Variants in RET observed in about 807,000 individuals in gnomAD.
RET encodes the protein proto-oncogene tyrosine-protein kinase receptor Ret.
RET carries 19 observed loss-of-function variants against 118.3 expected under a neutral mutation model. The ratio of observed to expected loss-of-function variants is 0.16; its 90% CI spans 0.11 to 0.24. RET has a LOEUF of 0.24. Ranked by LOEUF, RET falls within the 10% of genes least tolerant of loss-of-function variation. The pLI is 1.00. For synonymous variants in RET, 597 were observed against 644.1 expected (o/e 0.93, Z 1.11); for missense variants, 1,219 against 1,502.1 (o/e 0.81, Z 3.12).
At chr10:43,127,282 T>G (rs983291609) in intron 19 of RET, 1 of 1,069,666 alleles carries the variant, frequency 9.3e-7, no homozygotes, top group Non-Finnish European at 1.1e-6. Flanking sequence ...GTAGCGAGGT[T>G]GCAGGAGCTG....
chr10:43,095,765 A>G (rs924453922), intron 1 of RET, among the ~76,000 whole-genome samples: 1 of 152,140 alleles, frequency 6.6e-6, no homozygotes, highest in Non-Finnish European at 1.5e-5. Context: ...CTCATGACAC[A>G]CACTACATAG....
chr10:43,107,654 T>A (rs924327108), intron 5 of RET, among the ~76,000 whole-genome samples: 1 of 151,966 alleles, frequency 6.6e-6, no homozygotes, highest in Non-Finnish European at 1.5e-5. Flanking sequence ...AGGTTTATTC[T>A]GAGCCAGGAT....
Position 43,102,579 on chromosome 10 carries a change from C to G in RET, c.575C>G (p.Pro192Arg). Residue 192 changes from proline (P) to arginine (R), a missense_variant, in exon 3 of 20, where the codon CCT becomes CGT. By Grantham distance (103) the Pro-to-Arg change is moderately radical (BLOSUM62 -2). Transcript: ENST00000355710. The stretch of plus-strand genomic sequence containing the variant: ...ACCTTCCACCAGTTCCGCCTGCTGC[C>G]TGTGCAGTTCTTGTGCCCCAACATC... Reference protein sequence around the residue: ...PGTFHQFRLLPVQFLCPNISV... With the variant: ...PGTFHQFRLLRVQFLCPNISV... 2 of 1,614,236 alleles carry G rather than the reference C, an allele frequency of 1.2e-6. No homozygotes were observed. The highest frequency in any genetic ancestry group is 1.7e-6 in the Non-Finnish European group (2 of 1,180,046).
At chr10:43,088,973 A>C (rs1837354160) in intron 1 of RET, among the ~76,000 whole-genome samples, 1 of 151,952 alleles carries the variant, frequency 6.6e-6, no homozygotes, top group South Asian at 2.1e-4. Context: ...CCTGCCGGGC[A>C]CTGGCTCCTG....
At chr10:43,121,540 AGT>A (rs1838217330) in intron 15 of RET, among the ~76,000 whole-genome samples, 1 of 152,212 alleles carries the variant, frequency 6.6e-6, no homozygotes, top group South Asian at 2.1e-4. Flanking sequence ...AGGCTCCTTC[AGT>A]GTGGTAGCTG....
rs2132856712 is a variant in RET, at chr10:43,114,775, C to T, written c.2136+39C>T. The T allele has an allele frequency of 1.9e-6, 3 of 1,571,618 alleles. No individual in the cohort carries two copies. The highest frequency in any genetic ancestry group is 2.6e-6 in the Non-Finnish European group (3 of 1,162,696). On this transcript the variant is annotated intron_variant, in intron 11 of 19. Coordinates refer to ENST00000355710, the MANE Select transcript of RET (RefSeq NM_020975.6). The surrounding 1 kb of genome is among the most constrained non-coding windows in gnomAD (Gnocchi z 4.6). ...CGGGGCAGGGAAGATCCCCTGCCCTCCCCAGCTGCCTTCCAGGGAGGGAGG... is the reference window on the plus strand; with the variant it reads ...CGGGGCAGGGAAGATCCCCTGCCCTTCCCAGCTGCCTTCCAGGGAGGGAGG...
Position 43,114,608 on chromosome 10 carries a change from T to A in RET, c.2008T>A (p.Ser670Thr), listed in dbSNP as rs2132849771. 6.2e-7 allele frequency: 1 copy of A among 1,612,806 alleles called. No individual in the cohort carries two copies. Among genetic ancestry groups the A allele is most frequent in the Non-Finnish European group, 8.5e-7 (1 of 1,179,932 alleles). Reference sequence around the variant, plus strand: ...CAAGTTTGCCCACAAGCCACCCATCTCCTCAGCTGAGATGACCTTCCGGAG... The same window carrying A: ...CAAGTTTGCCCACAAGCCACCCATCACCTCAGCTGAGATGACCTTCCGGAG... ...YHKFAHKPPI[S>T]SAEMTFRRPA... The change falls in exon 11 of 20, where the codon TCC becomes ACC. Residue 670 changes from serine (S) to threonine (T), a missense_variant. Around this residue, in one of 5 missense-constraint regions of RET, gnomAD observed 850 missense variants for 969.6 expected, o/e 0.88. Coordinates refer to ENST00000355710, the MANE Select transcript of RET (RefSeq NM_020975.6). This position sits in a 1 kb window ranked among gnomAD's most constrained non-coding sequence, Gnocchi z 4.6.
rs377527547 is a variant in RET, at chr10:43,116,533, A to T, written c.2137-51A>T. 7 of 1,605,960 alleles carry T rather than the reference A, an allele frequency of 4.4e-6. No individual in the cohort carries two copies. The African/African-American group carries it at 9.4e-5, about 21-fold the overall frequency. ...GGTCTTGCCTTCTTCCTCCCCTGTC[A>T]TCCTCACACTTTTCCCCCCTCTTCT... On this transcript the variant is annotated intron_variant, in intron 11 of 19. Transcript: ENST00000355710.
At chr10:43,088,111 A>C (rs541272514) in intron 1 of RET, among the ~76,000 whole-genome samples, 5 of 151,268 alleles carry the variant, frequency 3.3e-5, no homozygotes, top group African/African-American at 1.2e-4. Context: ...GGTGGAGCTC[A>C]TAATGGTGAA....
chr10:43,078,965 G>A (rs1837116177), intron 1 of RET, among the ~76,000 whole-genome samples: 1 of 152,220 alleles, frequency 6.6e-6, no homozygotes, highest in Admixed American at 6.5e-5. Context: ...TGAAGAGGCT[G>A]CAGAGCTCTT....
At chr10:43,087,276 G>A (rs1028243644) in intron 1 of RET, among the ~76,000 whole-genome samples, 36 of 152,228 alleles carry the variant, frequency 2.4e-4, no homozygotes, top group Admixed American at 2.4e-3. Flanking sequence ...TGCCTGGCTG[G>A]AGGTCCAAGA....
In RET at chr10:43,119,692, A is replaced by G. The variant is rs561276725; in HGVS notation, c.2554A>G (p.Ile852Val). 6.1e-5 allele frequency: 98 copies of G among 1,613,458 alleles called. No individual in the cohort carries two copies. In the South Asian group the frequency reaches 9.8e-4, roughly 16 times the overall value. ...DERALTMGDL[I>V]SFAWQISQGM... ...GCGGGCCCTCACCATGGGCGACCTC[A>G]TCTCATTTGCCTGGCAGATCTCACA... The change falls in exon 14 of 20, where the codon ATC (isoleucine) becomes GTC (valine). Residue 852 changes from isoleucine to valine, a missense_variant. This residue lies in a region of RET where 850 missense variants were observed against 969.6 expected (regional missense o/e 0.88). Transcript: ENST00000355710.
chr10:43,109,464 G>T (rs749542807), intron 6 of RET, among the ~76,000 whole-genome samples: 1 of 152,166 alleles, frequency 6.6e-6, no homozygotes, highest in African/African-American at 2.4e-5. Context: ...TCCATTCTTG[G>T]TATCTTTAAA....
At chr10:43,097,134 C>G (rs1335158677) in intron 1 of RET, among the ~76,000 whole-genome samples, 4 of 152,212 alleles carry the variant, frequency 2.6e-5, no homozygotes, top group Non-Finnish European at 5.9e-5. Flanking sequence ...GCCCGTTCTC[C>G]CCTGCACATG....
Position 43,109,019 on chromosome 10 carries a change from C to T in RET, c.1064-12C>T, listed in dbSNP as rs1484513965. 7 of 1,610,976 alleles carry T rather than the reference C, an allele frequency of 4.3e-6. No homozygotes were observed. Among genetic ancestry groups the T allele is most frequent in the South Asian group, 2.2e-5 (2 of 91,066 alleles). ...AGCAGCTTGGTGGTCATTGTTGTGC[C>T]CCTACCTGCAGGGCTGGTTCTCAAC... On this transcript the variant is annotated splice_polypyrimidine_tract_variant and intron_variant, in intron 5 of 19. Transcript: ENST00000355710.
chr10:43,120,323 T>A (rs1487945732), intron 15 of RET, 120 bp downstream of exon 15: 1 of 1,378,258 alleles, frequency 7.3e-7, no homozygotes, highest in Admixed American at 2.0e-5. Flanking sequence ...AAGCTTTTTA[T>A]AGCCCTCACC....
chr10:43,123,864 G>C (rs1260065065), intron 17 of RET, 56 bp downstream of exon 17: 4 of 1,611,880 alleles, frequency 2.5e-6, no homozygotes, highest in South Asian at 2.2e-5. Flanking sequence ...GGACATCTGT[G>C]TGCATTCCCT....
intron 1 of RET, among the ~76,000 whole-genome samples, chr10:43,093,242 T>C (rs1040236463): frequency 6.6e-6 from 1 of 151,996 alleles, no homozygotes; most frequent in Non-Finnish European, 1.5e-5. Context: ...CATGATTCAG[T>C]GGACCCTGGC....
In RET at chr10:43,109,163, C is replaced by T. The variant is rs1554818362; in HGVS notation, c.1196C>T (p.Pro399Leu). Residue 399 changes from proline to leucine, a missense_variant, in exon 6 of 20, where the codon CCG (proline) becomes CTG (leucine). Around this residue, in one of 5 missense-constraint regions of RET, gnomAD observed 850 missense variants for 969.6 expected, o/e 0.88. Coordinates refer to ENST00000355710, the MANE Select transcript of RET (RefSeq NM_020975.6). Reference sequence around the variant, plus strand: ...CTCCACTTCAACGTGTCGGTGCTGCCGGTCAGCCTGCACCTGCCCAGTACC... The same window carrying T: ...CTCCACTTCAACGTGTCGGTGCTGCTGGTCAGCCTGCACCTGCCCAGTACC... ...LLLHFNVSVL[P>L]VSLHLPSTYS... is the part of the protein sequence containing the mutation. The T allele has an allele frequency of 6.2e-7, 1 of 1,613,880 alleles. No homozygotes were observed. Among genetic ancestry groups the T allele is most frequent in the Non-Finnish European group, 8.5e-7 (1 of 1,180,044 alleles).
Sources: allele counts gnomAD v4.1 joint callset (sites outside exome capture counted in the v4.1 genomes callset), GRCh38; gene constraint gnomAD v4.1.1; regional missense constraint gnomAD v4.1.1; non-coding constraint Gnocchi (gnomAD v3.1); transcripts MANE v1.5; gene names NCBI Gene and HGNC (gene_info 2026-07-23, HGNC 2026-07-21).